Variants in L3MBTL3 observed in about 807,000 individuals in gnomAD.
The protein encoded by L3MBTL3 is lethal(3)malignant brain tumor-like protein 3.
In L3MBTL3, 27 loss-of-function variants were observed where a neutral mutation model predicts 102.3. The ratio of observed to expected loss-of-function variants is 0.26; its 90% CI spans 0.19 to 0.36. L3MBTL3 has a LOEUF of 0.36. Among genes scored for constraint, L3MBTL3 ranks in the 10% least tolerant of loss-of-function variants. L3MBTL3 has a pLI of 1.00. For synonymous variants in L3MBTL3, 340 were observed against 320.9 expected (o/e 1.06, Z -0.64); for missense variants, 798 against 955.3 (o/e 0.84, Z 2.17).
intron 7 of L3MBTL3, among the ~76,000 whole-genome samples, chr6:130,054,075 G>C (rs1163424897): frequency 6.6e-6 from 1 of 152,196 alleles, no homozygotes; most frequent in Non-Finnish European, 1.5e-5. Flanking sequence ...AAAGACGATG[G>C]CATGAACAGT....
rs775950437 is a variant in L3MBTL3, at chr6:130,078,547, G to T, written c.1245-11G>T. ...TGATAATTGCAGTTTTTTAATTTGT[G>T]TAACTTTCAGGTGTGAAGCATCAAG... On this transcript the variant is annotated splice_polypyrimidine_tract_variant and intron_variant, in intron 13 of 22. Transcript: ENST00000361794. 6.3e-7 allele frequency: 1 copy of T among 1,598,166 alleles called. No individual in the cohort carries two copies. The highest frequency in any genetic ancestry group is 8.6e-7 in the Non-Finnish European group (1 of 1,168,660).
At position 130,133,724 on chromosome 6, in the gene L3MBTL3, A is replaced by G; in HGVS notation, c.2136+103A>G. The G allele has an allele frequency of 6.7e-7, 1 of 1,490,790 alleles. No homozygotes were observed. The highest frequency in any genetic ancestry group is 1.8e-4 in the Middle Eastern group (1 of 5,680). 92.3% of individuals were successfully genotyped at this position (1,490,790 alleles called of 1,614,324 possible). On this transcript the variant is annotated intron_variant, in intron 21 of 22. Coordinates refer to ENST00000361794, the MANE Select transcript of L3MBTL3 (RefSeq NM_032438.4). The surrounding 1 kb of genome is among the most constrained non-coding windows in gnomAD (Gnocchi z 4.9). ...TAGCGTTTAGTCTTTTTTTTTCTGA[A>G]AGAGAAGAAATTATTGTGAGAGAAA...
intron 2 of L3MBTL3, among the ~76,000 whole-genome samples, chr6:130,035,718 CAG>C (rs1272464137): frequency 6.6e-6 from 1 of 152,124 alleles, no homozygotes; most frequent in East Asian, 1.9e-4. Context: ...TAGTGGGAAT[CAG>C]AAGCATTTGG....
chr6:130,075,805 C>T (rs376295679), intron 13 of L3MBTL3, among the ~76,000 whole-genome samples: 40 of 152,114 alleles, frequency 2.6e-4, no homozygotes, highest in Middle Eastern at 3.4e-3. Flanking sequence ...AGCAGCTAGC[C>T]TCAAGAAGAA....
chr6:130,065,617 C>T (rs1051979618), intron 10 of L3MBTL3, among the ~76,000 whole-genome samples: 3 of 152,138 alleles, frequency 2.0e-5, no homozygotes, highest in South Asian at 4.1e-4. Context: ...AGAGGTCTGG[C>T]GTGATACGTG....
rs774664869 is a variant in L3MBTL3 at position 130,104,484 on chromosome 6, C to A, written c.1795C>A (p.Arg599Ser). The A allele has an allele frequency of 6.3e-7, 1 of 1,599,376 alleles. No individual in the cohort carries two copies. Among genetic ancestry groups the A allele is most frequent in the Non-Finnish European group, 8.5e-7 (1 of 1,173,180 alleles). ...GAATAAAGACCGTATTTTTCCAGAC[C>A]GCTTAAGTGGTGAGATGCCTCCGGC... is the stretch of plus-strand genomic sequence containing the variant. ...NLNKDRIFPD[R>S]LSGEMPPASP... Residue 599 changes from arginine to serine, a missense_variant, in exon 19 of 23, where the codon CGC becomes AGC. Arg to Ser is a moderately radical substitution (Grantham distance 110, BLOSUM62 -1). Transcript: ENST00000361794.
intron 1 of L3MBTL3, among the ~76,000 whole-genome samples, chr6:130,019,868 GCGCGGGC>G (rs1246872784): frequency 1.4e-5 from 2 of 139,070 alleles, no homozygotes; most frequent in Non-Finnish European, 3.2e-5. Flanking sequence ...GCGGGAGAGG[GCGCGGGC>G]CGCGGGCCGG....
At chr6:130,062,165 A>G (rs1202409757) in intron 10 of L3MBTL3, among the ~76,000 whole-genome samples, 1 of 152,156 alleles carries the variant, frequency 6.6e-6, no homozygotes, top group Non-Finnish European at 1.5e-5. Flanking sequence ...TTATAAAAGT[A>G]ATGTTTGCTC....
At chr6:130,036,191 C>G (rs1305518676) in intron 2 of L3MBTL3, among the ~76,000 whole-genome samples, 1 of 152,110 alleles carries the variant, frequency 6.6e-6, no homozygotes, top group Non-Finnish European at 1.5e-5. Flanking sequence ...AGGGTGACAA[C>G]AAGGGAGGAA....
intron 17 of L3MBTL3, 97 bp from the exon 18 acceptor site, chr6:130,094,168 G>T: frequency 1.2e-6 from 1 of 825,612 alleles, no homozygotes; most frequent in Non-Finnish European, 1.8e-6. Context: ...GATTTTTAGG[G>T]AGTCTTTTTC....
intron 2 of L3MBTL3, among the ~76,000 whole-genome samples, chr6:130,023,812 T>C (rs546947975): frequency 3.9e-5 from 6 of 152,304 alleles, no homozygotes; most frequent in Admixed American, 3.9e-4. Context: ...GCTAAAACTT[T>C]TAGATTGGTT....
chr6:130,117,405 C>T (rs1334828992), intron 19 of L3MBTL3, among the ~76,000 whole-genome samples: 1 of 151,900 alleles, frequency 6.6e-6, no homozygotes, highest in Non-Finnish European at 1.5e-5. Context: ...CAAGTCTTTG[C>T]TATTGTGAAT....
chr6:130,119,925 CTA>C (rs1314057392), intron 19 of L3MBTL3, among the ~76,000 whole-genome samples: 2 of 152,132 alleles, frequency 1.3e-5, no homozygotes, highest in Non-Finnish European at 2.9e-5. Context: ...GTAATTAAAA[CTA>C]TAGAACTCCT....
intron 3 of L3MBTL3, among the ~76,000 whole-genome samples, chr6:130,043,640 A>G (rs1420878138): frequency 6.6e-6 from 1 of 152,188 alleles, no homozygotes; most frequent in Non-Finnish European, 1.5e-5. Context: ...CCAACAGGCC[A>G]TTGCTGGGCT....
intron 20 of L3MBTL3, among the ~76,000 whole-genome samples, chr6:130,124,979 A>T (rs36009197): frequency 0.076 from 11,580 of 152,126 alleles, 618 homozygotes; most frequent in Non-Finnish European, 0.12. Flanking sequence ...TCAAAAAAAA[A>T]AAAATAAAAT....
At chr6:130,040,020 A>G (rs1248231214) in intron 2 of L3MBTL3, among the ~76,000 whole-genome samples, 1 of 152,156 alleles carries the variant, frequency 6.6e-6, no homozygotes, top group Admixed American at 6.6e-5. Context: ...TATGAATCAT[A>G]ATCTGTTACA....
rs1781071992 is a variant in L3MBTL3, at chr6:130,051,231, C to T, written c.290-18C>T. On this transcript the variant is annotated intron_variant, in intron 5 of 22. Transcript: ENST00000361794. ...TCTGTCATGGTTGTAATTTGCATTT[C>T]TTCTTTTCATCTTCTAGTCTTTTCA... is the stretch of plus-strand genomic sequence containing the variant. 1 of 1,586,784 alleles carries T rather than the reference C, an allele frequency of 6.3e-7. No individual in the cohort carries two copies. Among genetic ancestry groups the T allele is most frequent in the Non-Finnish European group, 8.6e-7 (1 of 1,164,936 alleles).
At chr6:130,081,411 G>A (rs1289476027) in intron 14 of L3MBTL3, among the ~76,000 whole-genome samples, 1 of 148,036 alleles carries the variant, frequency 6.8e-6, no homozygotes, top group Non-Finnish European at 1.5e-5. Flanking sequence ...CTATGTTTGC[G>A]TATTAACTCC....
intron 10 of L3MBTL3, among the ~76,000 whole-genome samples, chr6:130,065,423 A>C (rs576321269): frequency 6.6e-5 from 10 of 152,326 alleles, no homozygotes; most frequent in Admixed American, 6.5e-4. Flanking sequence ...TAATTTTCTC[A>C]TAAACTTAAC....
Sources: gnomAD v4.1 joint callset for allele counts (sites outside exome capture counted in the v4.1 genomes callset) on GRCh38, gnomAD v4.1.1 for gene constraint, Gnocchi (gnomAD v3.1) non-coding constraint, MANE v1.5 for transcripts, NCBI Gene and HGNC (gene_info 2026-07-23, HGNC 2026-07-21) for gene names.